The following OSBP variants were observed in gnomAD, a reference collection of about 807,000 sequenced individuals.
OSBP encodes oxysterol binding protein.
In OSBP, 32 loss-of-function variants were observed where a neutral mutation model predicts 96.6. The observed-to-expected ratio is 0.33, with a 90% CI of 0.25 to 0.45. OSBP has a LOEUF of 0.45. Among genes scored for constraint, OSBP ranks in the 20% least tolerant of loss-of-function variants. The pLI, the probability that OSBP is intolerant of heterozygous loss-of-function variation, is 1.00. For synonymous variants in OSBP, 369 were observed against 389.6 expected (o/e 0.95, Z 0.62); for missense variants, 653 against 1,029.7 (o/e 0.63, Z 5.01).
Position 59,584,977 on chromosome 11 carries a change from G to A in OSBP, c.1679-3423C>T, listed in dbSNP as rs190841907. Among the ~76,000 whole-genome samples, 505 of 152,270 alleles carry A rather than the reference G, an allele frequency of 3.3e-3. 2 individuals are homozygous for A. Among genetic ancestry groups the A allele is most frequent in the Non-Finnish European group, 4.4e-3 (301 of 68,010 alleles). On this transcript the variant is annotated intron_variant, in intron 9 of 13. Coordinates refer to ENST00000263847, the MANE Select transcript of OSBP (RefSeq NM_002556.3). The stretch of plus-strand genomic sequence containing the variant: ...GGCTGGAGTGCAGTGGCGTGATCTC[G>A]GCTCGCTACAACCTCCACCTCCCAG...
chr11:59,601,554 T>TGAA (rs1430611364), intron 4 of OSBP, 86 bp downstream of exon 4: 5 of 1,272,298 alleles, frequency 3.9e-6, no homozygotes, highest in Non-Finnish European at 5.7e-6. Flanking sequence ...ACTCATTGAC[T>TGAA]GTGAAGAGTT....
At chr11:59,606,156 A>C (rs1052813844) in intron 3 of OSBP, among the ~76,000 whole-genome samples, 15 of 152,180 alleles carry the variant, frequency 9.9e-5, no homozygotes, top group African/African-American at 3.6e-4. Flanking sequence ...ATCCCTCACT[A>C]AATAGTGATC....
chr11:59,594,889 G>A (rs1860629302), intron 7 of OSBP, among the ~76,000 whole-genome samples: 1 of 152,106 alleles, frequency 6.6e-6, no homozygotes, highest in African/African-American at 2.4e-5. Flanking sequence ...CCAGCTTAAG[G>A]CGACCAAGTA....
intron 9 of OSBP, among the ~76,000 whole-genome samples, chr11:59,587,952 A>T (rs572727490): frequency 6.6e-6 from 1 of 152,246 alleles, no homozygotes; most frequent in Non-Finnish European, 1.5e-5. Context: ...AGTGTTACTC[A>T]CAATAGCTAA....
At chr11:59,610,937 C>A (rs189117420) in intron 1 of OSBP, among the ~76,000 whole-genome samples, 3 of 151,654 alleles carry the variant, frequency 2.0e-5, no homozygotes, top group Non-Finnish European at 4.4e-5. Flanking sequence ...AGTTCCAGAC[C>A]GGCCTGGCTA....
chr11:59,590,109 A>G (rs1436373769), intron 9 of OSBP, among the ~76,000 whole-genome samples: 1 of 152,200 alleles, frequency 6.6e-6, no homozygotes, highest in Non-Finnish European at 1.5e-5. Flanking sequence ...AGCCTATTTT[A>G]TAGGGAGACT....
At chr11:59,578,448 G>A in intron 11 of OSBP, 118 bp from the exon 12 acceptor site, 1 of 945,308 alleles carries the variant, frequency 1.1e-6, no homozygotes. Flanking sequence ...AAACACCAGA[G>A]AGTCATCCAA....
chr11:59,596,258 A>T (rs1294463192), intron 7 of OSBP, among the ~76,000 whole-genome samples: 1 of 152,144 alleles, frequency 6.6e-6, no homozygotes, highest in African/African-American at 2.4e-5. Context: ...GCACTTATTA[A>T]CTACACCCAA....
chr11:59,600,745 C>CAAAAAA, intron 6 of OSBP, 74 bp downstream of exon 6: 1 of 1,298,128 alleles, frequency 7.7e-7, no homozygotes, highest in Non-Finnish European at 1.1e-6. Flanking sequence ...TAGCACTTCA[C>CAAAAAA]AAAAAAAAAA....
At chr11:59,599,581 C>T (rs1237361649) in intron 7 of OSBP, among the ~76,000 whole-genome samples, 1 of 152,172 alleles carries the variant, frequency 6.6e-6, no homozygotes. Context: ...ACACTGTTTA[C>T]ACCATCAACA....
At chr11:59,610,662 C>T in intron 1 of OSBP, 73 bp from the exon 2 acceptor site, 1 of 1,232,514 alleles carries the variant, frequency 8.1e-7, no homozygotes, top group South Asian at 1.2e-5. Context: ...CATTTCTTTT[C>T]ATAACTCTGA....
chr11:59,595,814 T>A (rs1223570902), intron 7 of OSBP, among the ~76,000 whole-genome samples: 1 of 151,002 alleles, frequency 6.6e-6, no homozygotes, highest in African/African-American at 2.4e-5. Context: ...TGTGGTGGCG[T>A]GCACCTGTAG....
intron 7 of OSBP, among the ~76,000 whole-genome samples, chr11:59,596,202 G>T (rs73486903): frequency 2.0e-5 from 3 of 151,740 alleles, no homozygotes; most frequent in Admixed American, 6.6e-5. Flanking sequence ...CACACTGAGG[G>T]GTGGCGCGCT....
chr11:59,602,883 G>C (rs1289593300), intron 3 of OSBP, among the ~76,000 whole-genome samples: 4 of 152,194 alleles, frequency 2.6e-5, no homozygotes, highest in African/African-American at 9.7e-5. Flanking sequence ...GCCTCCCAAA[G>C]TGTTGGGATT....
intron 3 of OSBP, among the ~76,000 whole-genome samples, chr11:59,607,922 G>T (rs987025570): frequency 6.6e-6 from 1 of 152,034 alleles, no homozygotes; most frequent in Non-Finnish European, 1.5e-5. Context: ...AATTATCCTC[G>T]AATTCAAGGA....
At chr11:59,576,760 A>G (rs1425622008) in intron 13 of OSBP, 41 bp from the exon 14 acceptor site, 1 of 1,612,816 alleles carries the variant, frequency 6.2e-7, no homozygotes, top group Non-Finnish European at 8.5e-7. Context: ...TAGTGCTGGC[A>G]TTCTCCATGC....
chr11:59,610,217 T>C (rs1199049808), intron 2 of OSBP, among the ~76,000 whole-genome samples, 164 bp downstream of exon 2: 6 of 152,188 alleles, frequency 3.9e-5, no homozygotes, highest in African/African-American at 1.4e-4. Context: ...TCAACCCTGG[T>C]TGAGAACCAT....
chr11:59,599,535 C>T (rs370136951), intron 7 of OSBP, among the ~76,000 whole-genome samples: 1 of 151,994 alleles, frequency 6.6e-6, no homozygotes, highest in Admixed American at 6.6e-5. Context: ...TAGTAGGCAC[C>T]CAGAAAATGC....
At position 59,615,387 on chromosome 11, in the gene OSBP, C is replaced by T; in HGVS notation, c.278G>A (p.Gly93Asp). Residue 93 changes from glycine to aspartate, a missense_variant, in exon 1 of 14, where the codon GGC (glycine) becomes GAC (aspartate). Physicochemically the swap from Gly to Asp is moderately conservative, Grantham distance 94 (BLOSUM62 -1). Around this residue, in one of 6 missense-constraint regions of OSBP, gnomAD observed 151 missense variants for 146.1 expected, o/e 1.03. Coordinates refer to ENST00000263847, the MANE Select transcript of OSBP (RefSeq NM_002556.3). ...GAGGSGSARE[G>D]WLFKWTNYIK... is the part of the protein sequence containing the mutation. ...ATAATTGGTCCATTTGAAGAGCCAGCCCTCTCGAGCCGAGCCCGAACCCCC... is the reference window on the plus strand; with the variant it reads ...ATAATTGGTCCATTTGAAGAGCCAGTCCTCTCGAGCCGAGCCCGAACCCCC... 1.3e-6 allele frequency: 2 copies of T among 1,579,654 alleles called. No individual in the cohort carries two copies. The highest frequency in any genetic ancestry group is 1.7e-6 in the Non-Finnish European group (2 of 1,162,054).
Sources: allele counts gnomAD v4.1 joint callset (sites outside exome capture counted in the v4.1 genomes callset), GRCh38; gene constraint gnomAD v4.1.1; regional missense constraint gnomAD v4.1.1; transcripts MANE v1.5; gene names NCBI Gene and HGNC (gene_info 2026-07-23, HGNC 2026-07-21).